QSOX1: variants seen among roughly 807,000 people sequenced by gnomAD.
QSOX1 encodes quiescin sulfhydryl oxidase 1.
QSOX1 carries 40 observed loss-of-function variants against 76.1 expected under a neutral mutation model. That is an observed-to-expected ratio of 0.53 (90% confidence interval 0.41 to 0.68). The LOEUF (loss-of-function observed/expected upper bound fraction) is 0.68. Ranked by LOEUF, QSOX1 falls within the 30% of genes least tolerant of loss-of-function variation. The pLI is 0.00. For synonymous variants in QSOX1, 392 were observed against 413.1 expected, an observed-to-expected ratio of 0.95 and a Z score of 0.62; for missense variants, 931 against 974.3, an observed-to-expected ratio of 0.96 and a Z score of 0.59.
intron 4 of QSOX1, 132 bp downstream of exon 4, chr1:180,176,165 C>T (rs1662887548): frequency 2.8e-6 from 2 of 705,246 alleles, no homozygotes; most frequent in East Asian, 5.5e-5. Context: ...GGGGCTCACA[C>T]ACCAGTCTGC....
intron 5 of QSOX1, among the ~76,000 whole-genome samples, chr1:180,180,724 T>A (rs12035520): frequency 1.3e-5 from 2 of 152,144 alleles, no homozygotes; most frequent in South Asian, 2.1e-4. Flanking sequence ...ACCATGTTGG[T>A]AAGGATGGTC....
At chr1:180,164,193 A>C (rs966635767) in intron 1 of QSOX1, among the ~76,000 whole-genome samples, 1 of 152,134 alleles carries the variant, frequency 6.6e-6, no homozygotes, top group Non-Finnish European at 1.5e-5. Flanking sequence ...CTTGCAGGTG[A>C]GGTTTAAAGC....
intron 4 of QSOX1, among the ~76,000 whole-genome samples, chr1:180,177,794 T>A (rs16855378): frequency 0.016 from 2,365 of 152,288 alleles, 76 homozygotes; most frequent in African/African-American, 0.053. Flanking sequence ...ACTCTGGCCC[T>A]CACCTGTCTA....
At chr1:180,193,300 C>T (rs747012730) in intron 10 of QSOX1, among the ~76,000 whole-genome samples, 34 of 151,802 alleles carry the variant, frequency 2.2e-4, no homozygotes, top group Non-Finnish European at 4.3e-4. Flanking sequence ...GGCTGAGCAA[C>T]GCCAGGGCCG....
Position 180,200,622 on chromosome 1 carries a change from C to T in QSOX1, c.*3585C>T, listed in dbSNP as rs547547220. The T allele has an allele frequency of 6.6e-6, 1 of 152,298 alleles. No homozygotes were observed. The highest frequency in any genetic ancestry group is 6.5e-5 in the Admixed American group (1 of 15,306). 9.4% of individuals were successfully genotyped at this position (152,298 alleles called of 1,614,324 possible). A position where few individuals can be genotyped will look rare whatever the true frequency, so the allele number is the denominator to read the frequency against. ...TGCACTCATTTAAATCTCATTTAATCCTCCAACAACGCAAGATGAAGAAGC... is the reference window on the plus strand; with the variant it reads ...TGCACTCATTTAAATCTCATTTAATTCTCCAACAACGCAAGATGAAGAAGC... On this transcript the variant is annotated 3_prime_UTR_variant, in exon 12 of 12. Coordinates refer to ENST00000367602, the MANE Select transcript of QSOX1 (RefSeq NM_002826.5).
At chr1:180,158,990 T>G (rs1662432957) in intron 1 of QSOX1, among the ~76,000 whole-genome samples, 1 of 152,200 alleles carries the variant, frequency 6.6e-6, no homozygotes, top group South Asian at 2.1e-4. Context: ...CAAGGCTTCC[T>G]GCTCCACCCA....
intron 6 of QSOX1, 36 bp downstream of exon 6, chr1:180,182,355 C>CT (rs755386440): frequency 6.2e-7 from 1 of 1,611,070 alleles, no homozygotes; most frequent in Non-Finnish European, 8.5e-7. Context: ...CCTCTCGTCC[C>CT]TCCCTGTGCT....
intron 8 of QSOX1, among the ~76,000 whole-genome samples, chr1:180,188,144 C>G (rs541468051): frequency 6.6e-6 from 1 of 152,198 alleles, no homozygotes; most frequent in Non-Finnish European, 1.5e-5. Context: ...GGGAGCCACA[C>G]CCACTCGCAT....
chr1:180,176,572 G>C (rs1260658671), intron 4 of QSOX1, among the ~76,000 whole-genome samples: 3 of 152,214 alleles, frequency 2.0e-5, no homozygotes, highest in African/African-American at 7.2e-5. Flanking sequence ...CCGGTGCTCT[G>C]TATCTGTCAG....
intron 6 of QSOX1, 51 bp downstream of exon 6, chr1:180,182,370 C>T (rs755896298): frequency 6.2e-7 from 1 of 1,605,516 alleles, no homozygotes; most frequent in South Asian, 1.1e-5. Flanking sequence ...TGTGCTCATC[C>T]TTCCTTCTTG....
rs370990638 is a variant in QSOX1, at chr1:180,182,288, T to C, written c.721T>C (p.Phe241Leu). The C allele has an allele frequency of 3.7e-6, 6 of 1,614,256 alleles. No individual in the cohort carries two copies. The highest frequency in any genetic ancestry group is 1.6e-4 in the Middle Eastern group (1 of 6,062). Reference protein sequence around the residue: ...VTDFPSCYLLFRNGSVSRVPV... With the variant: ...VTDFPSCYLLLRNGSVSRVPV... Reference sequence around the variant, plus strand: ...CGACTTCCCCTCTTGCTACCTGCTGTTCCGGAATGGCTCTGTCTCCCGAGT... The same window carrying C: ...CGACTTCCCCTCTTGCTACCTGCTGCTCCGGAATGGCTCTGTCTCCCGAGT... The change falls in exon 6 of 12, where the codon TTC becomes CTC. Residue 241 changes from phenylalanine to leucine, a missense_variant. Transcript: ENST00000367602.
intron 8 of QSOX1, among the ~76,000 whole-genome samples, chr1:180,187,914 T>A (rs1663214203): frequency 6.6e-6 from 1 of 152,230 alleles, no homozygotes; most frequent in East Asian, 1.9e-4. Flanking sequence ...TTGCCTTGCT[T>A]GGGTAGCTTC....
chr1:180,194,997 G>A (rs1360559357), intron 11 of QSOX1, among the ~76,000 whole-genome samples: 1 of 137,728 alleles, frequency 7.3e-6, no homozygotes, highest in African/African-American at 2.8e-5. Context: ...ACAGCCTCCC[G>A]GGGGGGGGAG....
intron 3 of QSOX1, among the ~76,000 whole-genome samples, 182 bp from the exon 4 acceptor site, chr1:180,175,749 G>C (rs1385482311): frequency 2.0e-5 from 3 of 152,126 alleles, no homozygotes; most frequent in East Asian, 3.9e-4. Context: ...GCACTACTTG[G>C]GGCCACAGGA....
At chr1:180,173,569 G>A (rs144414181) in intron 2 of QSOX1, among the ~76,000 whole-genome samples, 5 of 152,260 alleles carry the variant, frequency 3.3e-5, no homozygotes, top group East Asian at 1.9e-4. Context: ...GTAAGGGCCC[G>A]GGGGAGGTCA....
In QSOX1 at chr1:180,155,026, A is replaced by G; in HGVS notation, c.119A>G (p.Asp40Gly). ...APRSALYSPS[D>G]PLTLLQADTV... is the part of the protein sequence containing the mutation. Reference sequence around the variant, plus strand: ...CGGTCGGCGCTCTATTCGCCTTCCGACCCGCTGACGCTGCTGCAGGCGGAC... The same window carrying G: ...CGGTCGGCGCTCTATTCGCCTTCCGGCCCGCTGACGCTGCTGCAGGCGGAC... The change falls in exon 1 of 12, where the codon GAC becomes GGC. Residue 40 changes from aspartate (D) to glycine (G), a missense_variant. Coordinates refer to ENST00000367602, the MANE Select transcript of QSOX1 (RefSeq NM_002826.5). 1 of 1,513,634 alleles carries G rather than the reference A, an allele frequency of 6.6e-7. No homozygotes were observed. Among genetic ancestry groups the G allele is most frequent in the South Asian group, 1.2e-5 (1 of 81,802 alleles). 93.8% of individuals were successfully genotyped at this position (1,513,634 alleles called of 1,614,324 possible).
At position 180,191,777 on chromosome 1, in the gene QSOX1, G is replaced by A. The variant is rs1014276268; in HGVS notation, c.1288+1197G>A. Among the ~76,000 whole-genome samples, 7 of 152,186 alleles carry A rather than the reference G, an allele frequency of 4.6e-5. 1 individual carries two copies. Among genetic ancestry groups the A allele is most frequent in the Admixed American group, 3.9e-4 (6 of 15,290 alleles). On this transcript the variant is annotated intron_variant, in intron 10 of 11. Transcript: ENST00000367602. The stretch of plus-strand genomic sequence containing the variant: ...TGGAGAGGAGAAGGCAGTGTGGGAC[G>A]TCTGGGAAGAGAGTCTCCCAGGCTG...
At chr1:180,164,848 C>T (rs1460353235) in intron 1 of QSOX1, among the ~76,000 whole-genome samples, 1 of 152,174 alleles carries the variant, frequency 6.6e-6, no homozygotes, top group Non-Finnish European at 1.5e-5. Flanking sequence ...AGGCTGTACA[C>T]AGCATCTGCT....
At position 180,198,486 on chromosome 1, in the gene QSOX1, C is replaced by T. The variant is rs1319202844; in HGVS notation, c.*1449C>T. On this transcript the variant is annotated 3_prime_UTR_variant, in exon 12 of 12. Coordinates refer to ENST00000367602, the MANE Select transcript of QSOX1 (RefSeq NM_002826.5). ...GATAATGAACCTCATTAAGGGGGAGCAGGAGCCTCAATCCGATTTGGTTTT... is the reference window on the plus strand; with the variant it reads ...GATAATGAACCTCATTAAGGGGGAGTAGGAGCCTCAATCCGATTTGGTTTT... 2 of 431,104 alleles carry T rather than the reference C, an allele frequency of 4.6e-6. No individual in the cohort carries two copies. The highest frequency in any genetic ancestry group is 9.6e-6 in the Non-Finnish European group (2 of 208,338). The allele number at this position is 431,104 out of a possible 1,614,324, so 26.7% of individuals were successfully genotyped here. A position where few individuals can be genotyped will look rare whatever the true frequency, so the allele number is the denominator to read the frequency against.
Sources: allele counts gnomAD v4.1 joint callset (sites outside exome capture counted in the v4.1 genomes callset), GRCh38; gene constraint gnomAD v4.1.1; transcripts MANE v1.5; gene names NCBI Gene and HGNC (gene_info 2026-07-23, HGNC 2026-07-21).